Variants in SCFD2 observed in about 807,000 individuals in gnomAD.
SCFD2 encodes sec1 family domain-containing protein 2.
Under a neutral mutation model 58.9 loss-of-function variants are expected in SCFD2, and 54 were observed. The ratio of observed to expected loss-of-function variants is 0.92; its 90% confidence interval spans 0.74 to 1.15. SCFD2 has a LOEUF of 1.15. Ranked by LOEUF, SCFD2 falls within the 50% of genes most tolerant of loss-of-function variation. The pLI is 0.00. For missense variants in SCFD2, 805 were observed against 836.6 expected, an observed-to-expected ratio of 0.96 and a Z score of 0.47; for synonymous variants, 321 against 335.9, an observed-to-expected ratio of 0.96 and a Z score of 0.49.
At chr4:53,301,159 G>C (rs1560436757) in intron 3 of SCFD2, among the ~76,000 whole-genome samples, 1 of 152,058 alleles carries the variant, frequency 6.6e-6, no homozygotes, top group Non-Finnish European at 1.5e-5. Flanking sequence ...ATAAATCCAG[G>C]AGCTGGTTTT....
intron 4 of SCFD2, among the ~76,000 whole-genome samples, chr4:53,159,002 T>A (rs1726774382): frequency 6.6e-6 from 1 of 152,142 alleles, no homozygotes; most frequent in Non-Finnish European, 1.5e-5. Context: ...CTGCCATGGC[T>A]CTTATCACCC....
At chr4:53,308,897 G>A (rs531603008) in intron 3 of SCFD2, among the ~76,000 whole-genome samples, 3 of 152,204 alleles carry the variant, frequency 2.0e-5, no homozygotes, top group African/African-American at 7.2e-5. Flanking sequence ...TTGGAAGGCC[G>A]AGGCGGGCGG....
At chr4:52,960,431 C>T (rs1339245868) in intron 5 of SCFD2, among the ~76,000 whole-genome samples, 6 of 150,854 alleles carry the variant, frequency 4.0e-5, no homozygotes, top group Admixed American at 6.6e-5. Context: ...TGCAATGGCG[C>T]GATCTTGGCT....
chr4:53,171,845 C>G (rs1158252417), intron 4 of SCFD2, among the ~76,000 whole-genome samples: 1 of 151,688 alleles, frequency 6.6e-6, no homozygotes, highest in African/African-American at 2.4e-5. Flanking sequence ...AATGTCTTCT[C>G]GTTAATTTCT....
chr4:53,259,197 T>TA (rs1730752134), intron 4 of SCFD2, among the ~76,000 whole-genome samples: 1 of 152,250 alleles, frequency 6.6e-6, no homozygotes, highest in Non-Finnish European at 1.5e-5. Flanking sequence ...ATTATTTATT[T>TA]TGCTGTGCAG....
intron 3 of SCFD2, among the ~76,000 whole-genome samples, chr4:53,282,316 T>C (rs1315259424): frequency 6.6e-6 from 1 of 152,176 alleles, no homozygotes; most frequent in Non-Finnish European, 1.5e-5. Flanking sequence ...TTCTGTATGT[T>C]TGTCTTTTCT....
intron 4 of SCFD2, among the ~76,000 whole-genome samples, chr4:53,180,809 G>T (rs1727524628): frequency 6.6e-6 from 1 of 152,110 alleles, no homozygotes; most frequent in Non-Finnish European, 1.5e-5. Context: ...AATAAAAAAT[G>T]ACAAAGGGGA....
At chr4:53,072,961 C>G (rs922186336) in intron 5 of SCFD2, among the ~76,000 whole-genome samples, 1 of 152,046 alleles carries the variant, frequency 6.6e-6, no homozygotes, top group Non-Finnish European at 1.5e-5. Flanking sequence ...ACTTTTATGT[C>G]CTTTGATTAG....
At chr4:53,060,492 C>G (rs143240937) in intron 5 of SCFD2, among the ~76,000 whole-genome samples, 7 of 152,300 alleles carry the variant, frequency 4.6e-5, no homozygotes, top group African/African-American at 1.7e-4. Flanking sequence ...AAAGTGTGGT[C>G]TGGCTGTCCA....
rs536358473 is a variant in SCFD2 at position 53,222,061 on chromosome 4, A to T, written c.1311+51765T>A. On this transcript the variant is annotated intron_variant, in intron 4 of 8. Coordinates refer to ENST00000401642, the MANE Select transcript of SCFD2 (RefSeq NM_152540.4). ...TGTTTTTCCATTAGGCTTATGACTA[A>T]AACAGCTTTTCACAACATCGGCTAA... Among the ~76,000 whole-genome samples the T allele has an allele frequency of 1.1e-4, 16 of 152,326 alleles. No homozygotes were observed. The East Asian group carries it at 2.5e-3, about 24-fold the overall frequency.
At position 52,920,854 on chromosome 4, in the gene SCFD2, A is replaced by C. The variant is rs1317539868; in HGVS notation, c.1578T>G (p.Ile526Met). 6.2e-7 allele frequency: 1 copy of C among 1,610,454 alleles called. No homozygotes were observed. The highest frequency in any genetic ancestry group is 1.7e-5 in the Admixed American group (1 of 59,634). Residue 526 changes from isoleucine to methionine, a missense_variant, in exon 6 of 9, where the codon ATT (isoleucine) becomes ATG (methionine). Around this residue, in one of 3 missense-constraint regions of SCFD2, gnomAD observed 633 missense variants for 646.8 expected, o/e 0.98. Transcript: ENST00000401642. ...LQKITDWDSS[I>M]NLTFHKSKIA... is the part of the protein sequence containing the mutation. ...TTTTGGATTTGTGAAATGTCAGATT[A>C]ATTGAAGAGTCCCAGTCTGAAAAAA...
At chr4:53,255,009 A>G (rs1329774331) in intron 4 of SCFD2, among the ~76,000 whole-genome samples, 1 of 150,414 alleles carries the variant, frequency 6.6e-6, no homozygotes, top group Non-Finnish European at 1.5e-5. Context: ...AGCAGCTGGG[A>G]CTACAGGCAC....
At chr4:53,236,930 C>G (rs545446694) in intron 4 of SCFD2, among the ~76,000 whole-genome samples, 1 of 151,738 alleles carries the variant, frequency 6.6e-6, no homozygotes, top group African/African-American at 2.4e-5. Flanking sequence ...GAGGGAAGGT[C>G]AGTAGCTAAA....
chr4:53,354,545 G>C (rs1296629112), intron 1 of SCFD2, among the ~76,000 whole-genome samples: 1 of 152,202 alleles, frequency 6.6e-6, no homozygotes, highest in Admixed American at 6.5e-5. Flanking sequence ...GCAGGCTAAA[G>C]GGCTCCTCAA....
At chr4:53,262,774 C>A (rs1174521364) in intron 4 of SCFD2, among the ~76,000 whole-genome samples, 1 of 152,142 alleles carries the variant, frequency 6.6e-6, no homozygotes, top group Non-Finnish European at 1.5e-5. Flanking sequence ...GTTCTTTGAG[C>A]TTCTGGTATT....
intron 2 of SCFD2, among the ~76,000 whole-genome samples, chr4:53,347,069 C>A (rs1734079025): frequency 6.6e-6 from 1 of 152,226 alleles, no homozygotes; most frequent in South Asian, 2.1e-4. Context: ...ACTACAGAGG[C>A]AGCTAATGCC....
chr4:53,222,634 T>C lies in SCFD2; in HGVS notation c.1311+51192A>G, dbSNP rs1011688533. On this transcript the variant is annotated intron_variant, in intron 4 of 8. Transcript: ENST00000401642. ...AGAACTACTCCAAATAGCATTTTTT[T>C]TTTCACTATAATATTGATTCCAAAT... is the stretch of plus-strand genomic sequence containing the variant. Among the ~76,000 whole-genome samples, 6 of 152,296 alleles carry C rather than the reference T, an allele frequency of 3.9e-5. No homozygotes were observed. In the East Asian group the frequency reaches 9.6e-4, roughly 24 times the overall value.
intron 5 of SCFD2, among the ~76,000 whole-genome samples, chr4:53,042,316 T>G (rs1722919860): frequency 6.6e-6 from 1 of 151,982 alleles, no homozygotes; most frequent in South Asian, 2.1e-4. Flanking sequence ...ATAAAGCTTC[T>G]TCTAAAAAAT....
intron 3 of SCFD2, among the ~76,000 whole-genome samples, chr4:53,299,615 C>G (rs1375515393): frequency 6.6e-6 from 1 of 151,770 alleles, no homozygotes; most frequent in East Asian, 1.9e-4. Context: ...AGATAATCCT[C>G]GAGAAGAGCA....
Sources: gnomAD v4.1 joint callset for allele counts (sites outside exome capture counted in the v4.1 genomes callset) on GRCh38, gnomAD v4.1.1 for gene constraint, gnomAD v4.1.1 regional missense constraint, MANE v1.5 for transcripts, NCBI Gene and HGNC (gene_info 2026-07-23, HGNC 2026-07-21) for gene names.